LRP2: variants seen among roughly 807,000 people sequenced by gnomAD.
LRP2 encodes LDL receptor related protein 2, also known as low-density lipoprotein receptor-related protein 2.
In LRP2, 172 loss-of-function variants were observed where a neutral mutation model predicts 531.0. The observed-to-expected ratio is 0.32, with a 90% confidence interval of 0.29 to 0.37. LRP2 has a LOEUF of 0.37. Ranked by LOEUF, LRP2 falls within the 10% of genes least tolerant of loss-of-function variation. The probability of loss-of-function intolerance (pLI) is 1.00; values close to 1 mark genes in which losing one functional copy is unlikely to be tolerated. For missense variants in LRP2, 5,167 were observed against 5,868.3 expected (o/e 0.88, Z 3.90); for synonymous variants, 1,992 against 2,027.6 (o/e 0.98, Z 0.47).
At chr2:169,238,450 A>G in intron 26 of LRP2, 148 bp from the exon 27 acceptor site, 1 of 652,272 alleles carries the variant, frequency 1.5e-6, no homozygotes, top group South Asian at 1.8e-5. Context: ...AGGAAGCCCC[A>G]TATGAATGAT....
chr2:169,229,220 G>T (rs1418765085), intron 31 of LRP2, among the ~76,000 whole-genome samples: 1 of 152,180 alleles, frequency 6.6e-6, no homozygotes, highest in African/African-American at 2.4e-5. Context: ...AAGTAGGTCA[G>T]TGTGTCTCTG....
chr2:169,166,062 GAA>G lies in LRP2; in HGVS notation c.11636-10_11636-9del, dbSNP rs1686771572. Reference sequence around the variant, plus strand: ...AATTACAGGGAACATCCACTGAAAGGAAAGATAGAAAAATGAAATTACAAGTT... The same window carrying G: ...AATTACAGGGAACATCCACTGAAAGGAGATAGAAAAATGAAATTACAAGTT... On this transcript the variant is annotated splice_polypyrimidine_tract_variant and intron_variant, in intron 61 of 78. Transcript: ENST00000649046. 3.7e-6 allele frequency: 6 copies of G among 1,613,750 alleles called. No homozygotes were observed. The East Asian group carries it at 1.3e-4, about 36-fold the overall frequency.
rs531064382 is a variant in LRP2, at chr2:169,127,208, C to T, written c.*1455G>A. 2 of 152,664 alleles carry T rather than the reference C, an allele frequency of 1.3e-5. No homozygotes were observed. Among genetic ancestry groups the T allele is most frequent in the South Asian group, 4.1e-4 (2 of 4,824 alleles). The allele number at this position is 152,664 out of a possible 1,614,324, so 9.5% of individuals were successfully genotyped here. On this transcript the variant is annotated 3_prime_UTR_variant, in exon 79 of 79. Transcript: ENST00000649046. Reference sequence around the variant, plus strand: ...CAGTCAGCACTCAAAATATCAGCAACAAATATTTTGAGAACTCTGGAATAA... The same window carrying T: ...CAGTCAGCACTCAAAATATCAGCAATAAATATTTTGAGAACTCTGGAATAA...
chr2:169,289,562 G>C (rs1229988112), intron 8 of LRP2, among the ~76,000 whole-genome samples: 1 of 148,914 alleles, frequency 6.7e-6, no homozygotes, highest in Admixed American at 6.7e-5. Context: ...GCCTTGAGTG[G>C]AAACAAAAGA....
chr2:169,173,131 T>C lies in LRP2; in HGVS notation c.11108A>G (p.Asp3703Gly). 3.1e-6 allele frequency: 5 copies of C among 1,614,214 alleles called. No individual in the cohort carries two copies. Among genetic ancestry groups the C allele is most frequent in the Non-Finnish European group, 3.4e-6 (4 of 1,180,034 alleles). Residue 3703 changes from aspartate (D) to glycine (G), a missense_variant, in exon 57 of 79, where the codon GAT becomes GGT. Asp to Gly is a moderately conservative substitution (Grantham distance 94). This residue lies in a region of LRP2 where 311 missense variants were observed against 309.4 expected (regional missense o/e 1.01). Transcript: ENST00000649046. The stretch of plus-strand genomic sequence containing the variant: ...CTCATCACTGTTGTCCCTGCAGTCA[T>C]CTACACCATTGCACACGGCCCACTT... ...IPKWAVCNGV[D>G]DCRDNSDEQG...
chr2:169,215,813 A>G (rs1196032471), intron 35 of LRP2, among the ~76,000 whole-genome samples: 1 of 148,344 alleles, frequency 6.7e-6, no homozygotes, highest in Non-Finnish European at 1.5e-5. Context: ...TATACCATAT[A>G]GTATAGATAC....
chr2:169,226,891 A>G (rs1422949794), intron 31 of LRP2, among the ~76,000 whole-genome samples: 2 of 152,024 alleles, frequency 1.3e-5, no homozygotes, highest in African/African-American at 2.4e-5. Context: ...TGTTTGCTAA[A>G]CCTCACAGAC....
At chr2:169,257,391 T>G in intron 17 of LRP2, 142 bp from the exon 18 acceptor site, 1 of 815,814 alleles carries the variant, frequency 1.2e-6, no homozygotes, top group Non-Finnish European at 2.0e-6. Context: ...ACATACTTAG[T>G]GTATAACTCA....
intron 34 of LRP2, among the ~76,000 whole-genome samples, chr2:169,216,922 G>A (rs1688818885): frequency 6.6e-6 from 1 of 152,090 alleles, no homozygotes; most frequent in Non-Finnish European, 1.5e-5. Context: ...AAAATGCAAA[G>A]AATTTTGAAA....
intron 63 of LRP2, among the ~76,000 whole-genome samples, chr2:169,160,971 T>C (rs1346642949): frequency 1.3e-5 from 2 of 152,186 alleles, no homozygotes; most frequent in Non-Finnish European, 2.9e-5. Flanking sequence ...AGAAAATCCT[T>C]TGGATGCCTC....
chr2:169,203,694 T>A (rs1416679406), intron 42 of LRP2, among the ~76,000 whole-genome samples: 2 of 152,070 alleles, frequency 1.3e-5, no homozygotes, highest in African/African-American at 4.8e-5. Context: ...GAGGTGGAGG[T>A]TGCAGTGAGC....
At chr2:169,256,264 C>T (rs1176382854) in intron 18 of LRP2, 28 bp from the exon 19 acceptor site, 2 of 1,603,930 alleles carry the variant, frequency 1.2e-6, no homozygotes, top group African/African-American at 1.3e-5. Context: ...TTAGTTATCT[C>T]TTATCCAAAA....
At chr2:169,359,810 C>A (rs1686095254) in intron 1 of LRP2, among the ~76,000 whole-genome samples, 1 of 152,024 alleles carries the variant, frequency 6.6e-6, no homozygotes. Flanking sequence ...GGGAGCATGA[C>A]ATTTTTTGTA....
intron 3 of LRP2, among the ~76,000 whole-genome samples, chr2:169,315,334 A>G (rs994048631): frequency 2.6e-5 from 4 of 152,250 alleles, no homozygotes; most frequent in Admixed American, 2.0e-4. Context: ...ATAGGCACAC[A>G]GGAATGATAG....
At chr2:169,170,745 GC>G in intron 58 of LRP2, 78 bp from the exon 59 acceptor site, 1 of 990,028 alleles carries the variant, frequency 1.0e-6, no homozygotes, top group Non-Finnish European at 1.6e-6. Context: ...TGACCATAGT[GC>G]CCTGGGTGCC....
intron 27 of LRP2, among the ~76,000 whole-genome samples, 187 bp downstream of exon 27, chr2:169,237,904 C>T (rs1689663233): frequency 6.6e-6 from 1 of 152,168 alleles, no homozygotes; most frequent in Non-Finnish European, 1.5e-5. Flanking sequence ...TCAGAGGCCA[C>T]CCTCCTATCT....
chr2:169,328,475 GAAATAAAT>G (rs1246710562), intron 1 of LRP2, among the ~76,000 whole-genome samples: 2 of 129,534 alleles, frequency 1.5e-5, no homozygotes, highest in East Asian at 2.2e-4. Context: ...GAAAAAAAAA[GAAATAAAT>G]AAATAAATAA....
chr2:169,308,529 A>G (rs1250284889), intron 3 of LRP2, among the ~76,000 whole-genome samples: 1 of 152,144 alleles, frequency 6.6e-6, no homozygotes, highest in Non-Finnish European at 1.5e-5. Context: ...AGCTTCATCC[A>G]TGTCCCTACA....
intron 19 of LRP2, among the ~76,000 whole-genome samples, 175 bp from the exon 20 acceptor site, chr2:169,247,690 C>T (rs1311635459): frequency 6.6e-6 from 1 of 152,168 alleles, no homozygotes. Flanking sequence ...CCTAGTAATG[C>T]TCTGTGGAAG....
Sources: gnomAD v4.1 joint callset for allele counts (sites outside exome capture counted in the v4.1 genomes callset) on GRCh38, gnomAD v4.1.1 for gene constraint, gnomAD v4.1.1 regional missense constraint, MANE v1.5 for transcripts, NCBI Gene and HGNC (gene_info 2026-07-23, HGNC 2026-07-21) for gene names.